KCND2: variants seen among roughly 807,000 people sequenced by gnomAD.
KCND2 encodes the protein potassium voltage-gated channel subfamily D member 2, also known as A-type voltage-gated potassium channel KCND2.
KCND2 carries 16 observed loss-of-function variants against 54.4 expected under a neutral mutation model. That is an observed-to-expected ratio of 0.29 (90% CI 0.20 to 0.45). KCND2 has a LOEUF of 0.45. Ranked by LOEUF, KCND2 falls within the 20% of genes least tolerant of loss-of-function variation. The pLI is 1.00. For missense variants in KCND2, 486 were observed against 824.2 expected (o/e 0.59, Z 5.02); for synonymous variants, 317 against 310.7 (o/e 1.02, Z -0.21).
In KCND2 at chr7:120,316,810, A is replaced by T. The variant is rs955109332; in HGVS notation, c.1115+41063A>T. Reference sequence around the variant, plus strand: ...ATTGTACTTTATGTGAAGGAAAAAAAATCAGATTGTGACATCCTAATTGCA... The same window carrying T: ...ATTGTACTTTATGTGAAGGAAAAAATATCAGATTGTGACATCCTAATTGCA... On this transcript the variant is annotated intron_variant, in intron 1 of 5. Transcript: ENST00000331113. 3.3e-5 allele frequency among the ~76,000 whole-genome samples: 5 copies of T among 152,194 alleles called. No individual in the cohort carries two copies. In the South Asian group the frequency reaches 1.0e-3, roughly 32 times the overall value.
chr7:120,580,906 G>T (rs144696155), intron 1 of KCND2, among the ~76,000 whole-genome samples: 1 of 152,248 alleles, frequency 6.6e-6, no homozygotes, highest in East Asian at 1.9e-4. Context: ...CTTAGTGTAA[G>T]GATAGTTGAA....
intron 1 of KCND2, among the ~76,000 whole-genome samples, chr7:120,426,588 GTT>G (rs1168044122): frequency 0.13 from 12,179 of 95,746 alleles, 987 homozygotes; most frequent in East Asian, 0.45. Flanking sequence ...GTTTTTCTTT[GTT>G]TTTTTTTTTT....
intron 1 of KCND2, among the ~76,000 whole-genome samples, chr7:120,368,181 G>A (rs1227817128): frequency 2.0e-5 from 3 of 152,068 alleles, no homozygotes; most frequent in East Asian, 3.9e-4. Flanking sequence ...AAAGATTGAG[G>A]ATTTCTTAGC....
chr7:120,666,751 A>G (rs1791932281), intron 1 of KCND2, among the ~76,000 whole-genome samples: 1 of 152,042 alleles, frequency 6.6e-6, no homozygotes. Flanking sequence ...AACAAACTCC[A>G]TCAAAGGATA....
At chr7:120,537,799 A>G (rs1791930462) in intron 1 of KCND2, among the ~76,000 whole-genome samples, 1 of 152,196 alleles carries the variant, frequency 6.6e-6, no homozygotes, top group South Asian at 2.1e-4. Flanking sequence ...TCAGGCTTCA[A>G]AGAATTAAAG....
intron 1 of KCND2, among the ~76,000 whole-genome samples, chr7:120,409,196 A>G (rs1225096116): frequency 6.6e-6 from 1 of 151,960 alleles, no homozygotes; most frequent in Non-Finnish European, 1.5e-5. Flanking sequence ...AGTTGGCTTT[A>G]TAGCATCATC....
intron 1 of KCND2, among the ~76,000 whole-genome samples, chr7:120,302,248 T>G (rs753596616): frequency 6.6e-6 from 1 of 152,168 alleles, no homozygotes; most frequent in Non-Finnish European, 1.5e-5. Flanking sequence ...CTATGCACTT[T>G]AAGATTTTTT....
At chr7:120,715,475 A>G (rs1792592159) in intron 1 of KCND2, among the ~76,000 whole-genome samples, 1 of 152,114 alleles carries the variant, frequency 6.6e-6, no homozygotes, top group Admixed American at 6.6e-5. Flanking sequence ...TCCTGCTCTC[A>G]GAAGATATTA....
At chr7:120,583,690 T>G (rs1028805489) in intron 1 of KCND2, among the ~76,000 whole-genome samples, 2 of 151,892 alleles carry the variant, frequency 1.3e-5, no homozygotes, top group Admixed American at 6.6e-5. Context: ...CTTAATGACT[T>G]CATTTTCACT....
chr7:120,327,752 G>C (rs1584732195), intron 1 of KCND2, among the ~76,000 whole-genome samples: 1 of 150,284 alleles, frequency 6.7e-6, no homozygotes, highest in Non-Finnish European at 1.5e-5. Flanking sequence ...TGCAGAAGTT[G>C]CCTTTTTTTT....
At chr7:120,693,211 G>T (rs979754208) in intron 1 of KCND2, among the ~76,000 whole-genome samples, 4 of 152,056 alleles carry the variant, frequency 2.6e-5, no homozygotes, top group Admixed American at 6.6e-5. Context: ...TTCTACTCTA[G>T]CATAGTTTAT....
chr7:120,471,953 T>C (rs760771580), intron 1 of KCND2, among the ~76,000 whole-genome samples: 1 of 151,882 alleles, frequency 6.6e-6, no homozygotes, highest in Non-Finnish European at 1.5e-5. Flanking sequence ...ACTATAAGAA[T>C]ATTTATTATG....
chr7:120,650,405 A>C lies in KCND2; in HGVS notation c.1116-82498A>C, dbSNP rs577853752. Among the ~76,000 whole-genome samples the C allele has an allele frequency of 7.3e-4, 83 of 114,272 alleles. 10 individuals carry two copies. The Middle Eastern group carries it at 0.011, about 15-fold the overall frequency. 75.0% of individuals were successfully genotyped at this position (114,272 alleles called of 152,430 possible). On this transcript the variant is annotated intron_variant, in intron 1 of 5. Coordinates refer to ENST00000331113, the MANE Select transcript of KCND2 (RefSeq NM_012281.3). Reference sequence around the variant, plus strand: ...TGATACCCTTTCTTTCAGTTGATCGAATCAGCTACTGAAGCTGTGCATTTG... The same window carrying C: ...TGATACCCTTTCTTTCAGTTGATCGCATCAGCTACTGAAGCTGTGCATTTG...
intron 1 of KCND2, among the ~76,000 whole-genome samples, chr7:120,402,321 C>T (rs1801274141): frequency 1.3e-5 from 2 of 152,040 alleles, no homozygotes; most frequent in African/African-American, 4.8e-5. Context: ...AAAAAGGATG[C>T]TAAGAAAACA....
At chr7:120,600,757 A>G (rs1461682406) in intron 1 of KCND2, among the ~76,000 whole-genome samples, 1 of 152,034 alleles carries the variant, frequency 6.6e-6, no homozygotes, top group African/African-American at 2.4e-5. Flanking sequence ...AACTTCATAC[A>G]TGATTTTCAA....
chr7:120,521,997 C>T (rs1488629025), intron 1 of KCND2, among the ~76,000 whole-genome samples: 2 of 152,308 alleles, frequency 1.3e-5, no homozygotes, highest in African/African-American at 2.4e-5. Context: ...CTCTATTACT[C>T]TCTGAACAAA....
rs532080338 is a variant in KCND2, at chr7:120,650,665, C to T, written c.1116-82238C>T. On this transcript the variant is annotated intron_variant, in intron 1 of 5. Coordinates refer to ENST00000331113, the MANE Select transcript of KCND2 (RefSeq NM_012281.3). ...TTGTTCCATTGCTGGCGAGGAGCTG[C>T]GTTCCTTTGGAGGAGGACAGGCACT... Among the ~76,000 whole-genome samples, 106 of 144,054 alleles carry T rather than the reference C, an allele frequency of 7.4e-4. 14 individuals carry two copies. Among genetic ancestry groups the T allele is most frequent in the Non-Finnish European group, 1.4e-3 (93 of 66,134 alleles). 94.5% of individuals were successfully genotyped at this position (144,054 alleles called of 152,430 possible). A position where few individuals can be genotyped will look rare whatever the true frequency, so the allele number is the denominator to read the frequency against.
intron 1 of KCND2, among the ~76,000 whole-genome samples, chr7:120,363,134 C>G (rs774374190): frequency 2.6e-5 from 4 of 151,984 alleles, no homozygotes; most frequent in African/African-American, 4.8e-5. Flanking sequence ...GACCTTGTCT[C>G]TACAAAAATA....
chr7:120,324,796 T>G (rs993644868), intron 1 of KCND2, among the ~76,000 whole-genome samples: 1 of 151,782 alleles, frequency 6.6e-6, no homozygotes, highest in African/African-American at 2.4e-5. Context: ...CTTTTTTGGT[T>G]CCATATGAAC....
Sources: allele counts gnomAD v4.1 joint callset (sites outside exome capture counted in the v4.1 genomes callset), GRCh38; gene constraint gnomAD v4.1.1; transcripts MANE v1.5; gene names NCBI Gene and HGNC (gene_info 2026-07-23, HGNC 2026-07-21).